Variants in WDR12 observed in about 807,000 individuals in gnomAD.
WDR12 encodes WD repeat domain 12.
A neutral mutation model predicts 64.3 loss-of-function variants in WDR12; 42 were observed. The observed-to-expected ratio is 0.65, with a 90% CI of 0.51 to 0.84. The LOEUF (loss-of-function observed/expected upper bound fraction) is 0.84, where lower values mean the gene tolerates loss of function less well. Ranked by LOEUF, WDR12 falls within the 40% of genes least tolerant of loss-of-function variation. The pLI, the probability that WDR12 is intolerant of heterozygous loss-of-function variation, is 0.00. For synonymous variants in WDR12, 158 were observed against 173.3 expected, an observed-to-expected ratio of 0.91 and a Z score of 0.70; for missense variants, 469 against 494.6, an observed-to-expected ratio of 0.95 and a Z score of 0.49.
intron 4 of WDR12, among the ~76,000 whole-genome samples, chr2:202,898,634 T>C (rs1688294611): frequency 6.6e-6 from 1 of 152,246 alleles, no homozygotes; most frequent in Admixed American, 6.5e-5. Context: ...AAGATATCTG[T>C]ACCTTCTTTG....
In WDR12 at chr2:202,884,229, C is replaced by A; in HGVS notation, c.957G>T (p.Arg319Ser). The A allele has an allele frequency of 6.2e-7, 1 of 1,613,312 alleles. No homozygotes were observed. The highest frequency in any genetic ancestry group is 1.1e-5 in the South Asian group (1 of 91,034). ...TTCGGGGATCCCACAGTCTGATATG[C>A]CTATCTGTGCTTCCAGATGCTAAAC... ...CKRLASGSTD[R>S]HIRLWDPRTK... The change falls in exon 10 of 13, where the codon AGG (arginine) becomes AGT (serine). Residue 319 changes from arginine (R) to serine (S), a missense_variant. Arg to Ser is a moderately radical substitution (Grantham distance 110, BLOSUM62 -1). Transcript: ENST00000261015.
rs1296707475 is a variant in WDR12, at chr2:202,880,834, C to G, written c.*26G>C. The G allele has an allele frequency of 6.3e-7, 1 of 1,586,354 alleles. No homozygotes were observed. The highest frequency in any genetic ancestry group is 8.6e-7 in the Non-Finnish European group (1 of 1,162,858). On this transcript the variant is annotated 3_prime_UTR_variant, in exon 13 of 13. Transcript: ENST00000261015. ...TACCAATTTCATTTACAGAAATAATCTCTATAGTCAAATTATTGTTCACTT... is the reference window on the plus strand; with the variant it reads ...TACCAATTTCATTTACAGAAATAATGTCTATAGTCAAATTATTGTTCACTT...
At chr2:202,899,394 G>T in intron 4 of WDR12, 137 bp downstream of exon 4, 1 of 708,530 alleles carries the variant, frequency 1.4e-6, no homozygotes, top group Non-Finnish European at 2.2e-6. Flanking sequence ...TGTTTGCCAT[G>T]GCCACTGATA....
At position 202,908,070 on chromosome 2, in the gene WDR12, A is replaced by T. The variant is rs1559165164; in HGVS notation, c.42-111T>A. The T allele has an allele frequency of 1.3e-5, 13 of 975,472 alleles. No individual in the cohort carries two copies. In the South Asian group the frequency reaches 1.7e-4, roughly 13 times the overall value. The allele number at this position is 975,472 out of a possible 1,614,324, so 60.4% of individuals were successfully genotyped here. A position where few individuals can be genotyped will look rare whatever the true frequency, so the allele number is the denominator to read the frequency against. On this transcript the variant is annotated intron_variant, in intron 1 of 12. Coordinates refer to ENST00000261015, the MANE Select transcript of WDR12 (RefSeq NM_018256.4). Reference sequence around the variant, plus strand: ...GTAAATAAATGCCAGACATCCAGACATTTTGCTACATGTTGTAAACAAAAA... The same window carrying T: ...GTAAATAAATGCCAGACATCCAGACTTTTTGCTACATGTTGTAAACAAAAA...
At position 202,883,694 on chromosome 2, in the gene WDR12, T is replaced by G; in HGVS notation, c.1036A>C (p.Thr346Pro). Residue 346 changes from threonine to proline, a missense_variant, in exon 11 of 13, where the codon ACA becomes CCA. Coordinates refer to ENST00000261015, the MANE Select transcript of WDR12 (RefSeq NM_018256.4). ...TGGGTAGGAGACCATTTTACTGATGTCACCCAACCAGTATGTGACGTTAGG... is the reference window on the plus strand; with the variant it reads ...TGGGTAGGAGACCATTTTACTGATGGCACCCAACCAGTATGTGACGTTAGG... The part of the protein sequence containing the change: ...LSLTSHTGWV[T>P]SVKWSPTHEQ... 5 of 1,614,084 alleles carry G rather than the reference T, an allele frequency of 3.1e-6. No individual in the cohort carries two copies. Among genetic ancestry groups the G allele is most frequent in the Non-Finnish European group, 4.2e-6 (5 of 1,179,978 alleles).
chr2:202,884,635 A>G, intron 8 of WDR12, 100 bp from the exon 9 acceptor site: 1 of 1,257,780 alleles, frequency 8.0e-7, no homozygotes, highest in Non-Finnish European at 1.1e-6. Context: ...GACAGAGACA[A>G]ACTGCCCATC....
At position 202,896,138 on chromosome 2, in the gene WDR12, A is replaced by G. The variant is rs1317933838; in HGVS notation, c.536T>C (p.Val179Ala). 6.2e-7 allele frequency: 1 copy of G among 1,613,980 alleles called. No individual in the cohort carries two copies. The highest frequency in any genetic ancestry group is 8.5e-7 in the Non-Finnish European group (1 of 1,180,002). The change falls in exon 6 of 13, where the codon GTG becomes GCG. Residue 179 changes from valine to alanine, a missense_variant. Val to Ala is a moderately conservative substitution (Grantham distance 64). Coordinates refer to ENST00000261015, the MANE Select transcript of WDR12 (RefSeq NM_018256.4). ...LWEWNVERNK[V>A]KALHCCRGHA... is the part of the protein sequence containing the mutation. ...ACCTCTACAGCAGTGTAGGGCTTTC[A>G]CTTTGTTTCTCTCTACATTCCACTC...
intron 1 of WDR12, among the ~76,000 whole-genome samples, 190 bp from the exon 2 acceptor site, chr2:202,908,149 T>C (rs577793188): frequency 2.9e-4 from 44 of 152,224 alleles, no homozygotes; most frequent in African/African-American, 1.1e-3. Flanking sequence ...AGTAATCAAA[T>C]AGAATGAAGT....
In WDR12 at chr2:202,901,049, G is replaced by C; in HGVS notation, c.207C>G (p.His69Gln). ...GQFLRMPLDK[H>Q]MEMENISSEE... ...CTGATGAGATGTTCTCCATTTCCAT[G>C]TGTTTGTCCAAGGGCATTCGCAGAA... Residue 69 changes from histidine (H) to glutamine (Q), a missense_variant, in exon 3 of 13, where the codon CAC becomes CAG. By Grantham distance (24) the His-to-Gln change is conservative. Coordinates refer to ENST00000261015, the MANE Select transcript of WDR12 (RefSeq NM_018256.4). 1 of 1,593,552 alleles carries C rather than the reference G, an allele frequency of 6.3e-7. No individual in the cohort carries two copies. Among genetic ancestry groups the C allele is most frequent in the Non-Finnish European group, 8.6e-7 (1 of 1,165,874 alleles).
chr2:202,892,374 A>G (rs1215634937), intron 8 of WDR12, among the ~76,000 whole-genome samples: 1 of 152,238 alleles, frequency 6.6e-6, no homozygotes, highest in Non-Finnish European at 1.5e-5. Context: ...CATAATAACT[A>G]AATCATCAAC....
rs563146032 is a variant in WDR12 at position 202,892,752 on chromosome 2, G to C, written c.656-50C>G. 6 of 1,330,204 alleles carry C rather than the reference G, an allele frequency of 4.5e-6. No homozygotes were observed. The South Asian group carries it at 7.4e-5, about 16-fold the overall frequency. The allele number at this position is 1,330,204 out of a possible 1,614,324, so 82.4% of individuals were successfully genotyped here. A position where few individuals can be genotyped will look rare whatever the true frequency, so the allele number is the denominator to read the frequency against. On this transcript the variant is annotated intron_variant, in intron 7 of 12. Coordinates refer to ENST00000261015, the MANE Select transcript of WDR12 (RefSeq NM_018256.4). ...ACATTTTAAAAACAGTATTAATCGT[G>C]AACTGTCTGAAAGAATTCTTTACAT...
intron 8 of WDR12, among the ~76,000 whole-genome samples, chr2:202,892,039 T>C (rs1481066677): frequency 6.6e-6 from 1 of 152,266 alleles, no homozygotes; most frequent in Non-Finnish European, 1.5e-5. Context: ...CAGTAATCAT[T>C]ACACAATGTT....
chr2:202,894,948 T>C (rs1688213097), intron 6 of WDR12, among the ~76,000 whole-genome samples: 1 of 152,182 alleles, frequency 6.6e-6, no homozygotes, highest in Non-Finnish European at 1.5e-5. Flanking sequence ...AAATGCACCA[T>C]TACCCTTCTT....
At chr2:202,895,517 C>CTTTTTT (rs901435872) in intron 6 of WDR12, among the ~76,000 whole-genome samples, 9 of 111,488 alleles carry the variant, frequency 8.1e-5, no homozygotes, top group South Asian at 2.9e-4. Flanking sequence ...TCATTTCTTT[C>CTTTTTT]TTTTTTTTTT....
rs773890820 is a variant in WDR12 at position 202,875,813 on chromosome 2, A to T, written c.*5047T>A. On this transcript the variant is annotated 3_prime_UTR_variant, in exon 13 of 13. Coordinates refer to ENST00000261015, the MANE Select transcript of WDR12 (RefSeq NM_018256.4). ...TATACCAGTTAAGAGCTTGTCCAAGATAAGTCCAAGTTCAAATTCACTGCC... is the reference window on the plus strand; with the variant it reads ...TATACCAGTTAAGAGCTTGTCCAAGTTAAGTCCAAGTTCAAATTCACTGCC... 1.3e-5 allele frequency: 2 copies of T among 152,240 alleles called. No individual in the cohort carries two copies. Among genetic ancestry groups the T allele is most frequent in the Non-Finnish European group, 2.9e-5 (2 of 68,040 alleles). 9.4% of individuals were successfully genotyped at this position (152,240 alleles called of 1,614,324 possible).
rs1218536328 is a variant in WDR12 at position 202,884,422 on chromosome 2, A to C, written c.855T>G (p.Val285=). ...AAGTTGACTTAAGACTGCCAGACTC[A>C]ACATCCCACACTCTAATTGTATGGT... is the stretch of plus-strand genomic sequence containing the variant. The part of the protein sequence containing the change: ...SWDHTIRVWD[V]ESGSLKSTLT... The change falls in exon 9 of 13, where the codon GTT becomes GTG. Residue 285 remains valine (V), a synonymous_variant. Transcript: ENST00000261015. 3 of 1,614,078 alleles carry C rather than the reference A, an allele frequency of 1.9e-6. No homozygotes were observed. The highest frequency in any genetic ancestry group is 1.3e-5 in the African/African-American group (1 of 74,934).
rs1309277011 is a variant in WDR12, at chr2:202,878,466, T to A, written c.*2394A>T. The A allele has an allele frequency of 3.9e-5, 6 of 152,208 alleles. No individual in the cohort carries two copies. The highest frequency in any genetic ancestry group is 7.2e-5 in the African/African-American group (3 of 41,450). The allele number at this position is 152,208 out of a possible 1,614,324, so 9.4% of individuals were successfully genotyped here. A position where few individuals can be genotyped will look rare whatever the true frequency, so the allele number is the denominator to read the frequency against. On this transcript the variant is annotated 3_prime_UTR_variant, in exon 13 of 13. Transcript: ENST00000261015. The stretch of plus-strand genomic sequence containing the variant: ...AAAAAGAAGGATTCTGTGCATGAAT[T>A]TTCTGGCCACCTTTATTCACTATTT...
At chr2:202,892,981 T>C (rs1487120753) in intron 7 of WDR12, among the ~76,000 whole-genome samples, 1 of 152,178 alleles carries the variant, frequency 6.6e-6, no homozygotes, top group Non-Finnish European at 1.5e-5. Flanking sequence ...TAAATATTTA[T>C]CATTTTATCA....
At chr2:202,908,081 T>C (rs1225762583) in intron 1 of WDR12, 122 bp from the exon 2 acceptor site, 6 of 878,326 alleles carry the variant, frequency 6.8e-6, no homozygotes, top group South Asian at 4.4e-5. Context: ...TTTTGCTACA[T>C]GTTGTAAACA....
Sources: allele counts gnomAD v4.1 joint callset (sites outside exome capture counted in the v4.1 genomes callset), GRCh38; gene constraint gnomAD v4.1.1; transcripts MANE v1.5; gene names NCBI Gene and HGNC (gene_info 2026-07-23, HGNC 2026-07-21).